Variants in MED13 observed in about 807,000 individuals in gnomAD.
MED13 encodes the protein mediator of RNA polymerase II transcription subunit 13.
A neutral mutation model predicts 225.2 loss-of-function variants in MED13; 23 were observed. The observed-to-expected ratio is 0.10, with a 90% confidence interval of 0.07 to 0.14. The LOEUF is 0.14. Ranked by LOEUF, MED13 falls within the 10% of genes least tolerant of loss-of-function variation. The probability of loss-of-function intolerance (pLI) is 1.00; values close to 1 mark genes in which losing one functional copy is unlikely to be tolerated. For missense variants in MED13, 2,197 were observed against 2,594.5 expected, an observed-to-expected ratio of 0.85 and a Z score of 3.33; for synonymous variants, 942 against 889.2, an observed-to-expected ratio of 1.06 and a Z score of -1.06.
chr17:62,034,161 C>T (rs2080781991), intron 4 of MED13, among the ~76,000 whole-genome samples, 177 bp from the exon 5 acceptor site: 1 of 152,142 alleles, frequency 6.6e-6, no homozygotes, highest in Admixed American at 6.6e-5. Flanking sequence ...TAAAGTATGA[C>T]ACTGAGTTTA....
chr17:62,022,466 T>C (rs2080658761), intron 8 of MED13, among the ~76,000 whole-genome samples: 1 of 152,004 alleles, frequency 6.6e-6, no homozygotes, highest in South Asian at 2.1e-4. Context: ...GGAATATTAA[T>C]AACATTTTTT....
chr17:61,955,818 G>A lies in MED13; in HGVS notation c.5644C>T (p.Arg1882Cys). 1 of 1,478,036 alleles carries A rather than the reference G, an allele frequency of 6.8e-7. No homozygotes were observed. Among genetic ancestry groups the A allele is most frequent in the Non-Finnish European group, 9.0e-7 (1 of 1,110,520 alleles). 91.6% of individuals were successfully genotyped at this position (1,478,036 alleles called of 1,614,324 possible). ...TTACTTAGAGACTGCAAGTTTCGACGACTCAGCAAACAGCTCCAATCTGTG... is the reference window on the plus strand; with the variant it reads ...TTACTTAGAGACTGCAAGTTTCGACAACTCAGCAAACAGCTCCAATCTGTG... ...ELKDWSCLLS[R>C]RNLQSLSKRL... The change falls in exon 25 of 30, where the codon CGT (arginine) becomes TGT (cysteine). Residue 1882 changes from arginine (R) to cysteine (C), a missense_variant. By Grantham distance (180) the Arg-to-Cys change is radical. This residue lies in a region of MED13 where 216 missense variants were observed against 388.9 expected (regional missense o/e 0.56). Coordinates refer to ENST00000397786, the MANE Select transcript of MED13 (RefSeq NM_005121.3).
intron 2 of MED13, among the ~76,000 whole-genome samples, chr17:62,055,338 T>A (rs765536722): frequency 6.6e-6 from 1 of 151,280 alleles, no homozygotes; most frequent in Non-Finnish European, 1.5e-5. Context: ...TGCAGTGAGC[T>A]GAGATCACAC....
chr17:61,975,911 G>A (rs1024527386), intron 16 of MED13, among the ~76,000 whole-genome samples: 1 of 152,210 alleles, frequency 6.6e-6, no homozygotes. Context: ...AGTTACTTGG[G>A]AGGCTGAGGC....
In MED13 at chr17:62,002,701, C is replaced by T. The variant is rs111837481; in HGVS notation, c.1968-7336G>A. Among the ~76,000 whole-genome samples the T allele has an allele frequency of 3.0e-3, 453 of 152,166 alleles. 3 individuals are homozygous for T. The highest frequency in any genetic ancestry group is 0.01 in the African/African-American group (427 of 41,492). On this transcript the variant is annotated intron_variant, in intron 9 of 29. Transcript: ENST00000397786. ...AATTATTCCAACAAAATCCTTTTCA[C>T]TATAAGAAAAAAAAGCATTTTTGTT...
chr17:62,060,660 AC>A (rs1160257157), intron 2 of MED13, among the ~76,000 whole-genome samples: 9 of 148,758 alleles, frequency 6.1e-5, no homozygotes, highest in African/African-American at 2.0e-4. Context: ...AAAAAAAAAA[AC>A]CAACCTCCCA....
chr17:62,023,824 AT>A (rs1478527679), intron 8 of MED13, among the ~76,000 whole-genome samples: 1 of 152,222 alleles, frequency 6.6e-6, no homozygotes, highest in Non-Finnish European at 1.5e-5. Context: ...CACTTAAGAA[AT>A]AAGCTAGATT....
At chr17:62,051,123 A>C (rs1457394924) in intron 3 of MED13, among the ~76,000 whole-genome samples, 2 of 152,210 alleles carry the variant, frequency 1.3e-5, no homozygotes, top group Non-Finnish European at 1.5e-5. Context: ...CTTACTAACA[A>C]AAACTTCATT....
At chr17:61,974,932 T>A (rs2080140793) in intron 16 of MED13, among the ~76,000 whole-genome samples, 1 of 151,958 alleles carries the variant, frequency 6.6e-6, no homozygotes. Flanking sequence ...TCATCAAAAT[T>A]AAAAATGTTT....
At chr17:61,998,573 TA>T (rs2080365447) in intron 9 of MED13, among the ~76,000 whole-genome samples, 1 of 149,212 alleles carries the variant, frequency 6.7e-6, no homozygotes, top group Non-Finnish European at 1.5e-5. Flanking sequence ...ATGAATGCAA[TA>T]ATGTCAAAAT....
At chr17:62,020,302 AGT>A (rs2080627530) in intron 8 of MED13, among the ~76,000 whole-genome samples, 1 of 152,138 alleles carries the variant, frequency 6.6e-6, no homozygotes, top group Non-Finnish European at 1.5e-5. Context: ...TGCACATTTA[AGT>A]GTGCAGCTCC....
intron 9 of MED13, among the ~76,000 whole-genome samples, chr17:61,999,437 C>T (rs2080374404): frequency 6.6e-6 from 1 of 152,138 alleles, no homozygotes; most frequent in African/African-American, 2.4e-5. Flanking sequence ...ATTTTGCTAT[C>T]TTTAAAATCT....
intron 3 of MED13, among the ~76,000 whole-genome samples, chr17:62,044,578 TTTA>T (rs1476679930): frequency 1.3e-5 from 2 of 152,248 alleles, no homozygotes. Flanking sequence ...CCAGCAAGGA[TTTA>T]TTATATCCTA....
chr17:62,039,955 G>A (rs985714848), intron 3 of MED13, among the ~76,000 whole-genome samples: 3 of 151,896 alleles, frequency 2.0e-5, no homozygotes, highest in African/African-American at 7.3e-5. Context: ...GAGTGCAGTG[G>A]CTATTCACAG....
intron 26 of MED13, 95 bp downstream of exon 26, chr17:61,955,287 G>A: frequency 9.3e-7 from 1 of 1,069,688 alleles, no homozygotes; most frequent in Non-Finnish European, 1.3e-6. Flanking sequence ...TCATTTTTTG[G>A]TAAAACAAGG....
In MED13 at chr17:61,982,429, G is replaced by T; in HGVS notation, c.3574C>A (p.Leu1192Ile). ...AATAAATTAGTGCACTGATCTTGTA[G>T]CAATAATATCAAATCATCAGATAAT... ...EKLSDDLILL[L>I]QDQCTNLFSP... is the part of the protein sequence containing the mutation. The change falls in exon 16 of 30, where the codon CTA becomes ATA. Residue 1192 changes from leucine to isoleucine, a missense_variant. By Grantham distance (5) the Leu-to-Ile change is conservative (BLOSUM62 2). Around this residue, in one of 12 missense-constraint regions of MED13, gnomAD observed 203 missense variants for 209.7 expected, o/e 0.97. Transcript: ENST00000397786. The T allele has an allele frequency of 6.2e-7, 1 of 1,614,154 alleles. No homozygotes were observed. The highest frequency in any genetic ancestry group is 8.5e-7 in the Non-Finnish European group (1 of 1,180,012).
chr17:62,009,900 C>T (rs996640448), intron 9 of MED13, among the ~76,000 whole-genome samples: 6 of 152,216 alleles, frequency 3.9e-5, no homozygotes, highest in African/African-American at 7.2e-5. Context: ...TAGAGCTACA[C>T]GTATAAAAAC....
chr17:62,037,111 G>A (rs909981361), intron 3 of MED13, among the ~76,000 whole-genome samples: 2 of 152,030 alleles, frequency 1.3e-5, no homozygotes, highest in Non-Finnish European at 2.9e-5. Flanking sequence ...AAATTAGCCA[G>A]GCGCAGTGGC....
intron 8 of MED13, among the ~76,000 whole-genome samples, chr17:62,028,714 G>A (rs572154669): frequency 4.0e-5 from 6 of 151,770 alleles, no homozygotes; most frequent in East Asian, 1.9e-4. Context: ...GCATGGTGGC[G>A]GGCGCCTGTA....
Sources: gnomAD v4.1 joint callset for allele counts (sites outside exome capture counted in the v4.1 genomes callset) on GRCh38, gnomAD v4.1.1 for gene constraint, gnomAD v4.1.1 regional missense constraint, MANE v1.5 for transcripts, NCBI Gene and HGNC (gene_info 2026-07-23, HGNC 2026-07-21) for gene names.